Variants in FYN observed in about 807,000 individuals in gnomAD.
FYN encodes tyrosine-protein kinase Fyn.
Under a neutral mutation model 70.2 loss-of-function variants are expected in FYN, and 10 were observed. The ratio of observed to expected loss-of-function variants is 0.14; its 90% confidence interval spans 0.09 to 0.24. The LOEUF (loss-of-function observed/expected upper bound fraction) is 0.24, where lower values mean the gene tolerates loss of function less well. Ranked by LOEUF, FYN falls within the 10% of genes least tolerant of loss-of-function variation. The pLI is 1.00. For missense variants in FYN, 319 were observed against 673.1 expected, an observed-to-expected ratio of 0.47 and a Z score of 5.82; for synonymous variants, 236 against 248.6, an observed-to-expected ratio of 0.95 and a Z score of 0.48.
intron 2 of FYN, among the ~76,000 whole-genome samples, chr6:111,819,564 C>T (rs1481330891): frequency 6.6e-6 from 1 of 152,050 alleles, no homozygotes; most frequent in Non-Finnish European, 1.5e-5. Flanking sequence ...GACCATGACC[C>T]ATATTAAATT....
At chr6:111,792,875 G>A (rs916294667) in intron 2 of FYN, among the ~76,000 whole-genome samples, 5 of 152,176 alleles carry the variant, frequency 3.3e-5, no homozygotes, top group African/African-American at 1.2e-4. Context: ...GATGGAAACT[G>A]GGGTGTATTG....
intron 12 of FYN, among the ~76,000 whole-genome samples, chr6:111,681,937 A>G (rs1798798502): frequency 6.6e-6 from 1 of 152,090 alleles, no homozygotes; most frequent in South Asian, 2.1e-4. Context: ...CTGCATAAAC[A>G]CTATACACTG....
chr6:111,833,727 G>A (rs1284929990), intron 2 of FYN, among the ~76,000 whole-genome samples: 3 of 151,678 alleles, frequency 2.0e-5, no homozygotes, highest in South Asian at 2.1e-4. Flanking sequence ...ATGTTTTTTC[G>A]TGCGAATGTC....
rs147667432 is a variant in FYN at position 111,707,664 on chromosome 6, A to G, written c.443+258T>C. 1.2e-3 allele frequency among the ~76,000 whole-genome samples: 185 copies of G among 152,318 alleles called. 3 individuals carry two copies. The highest frequency in any genetic ancestry group is 4.1e-3 in the African/African-American group (169 of 41,574). ...TTTTTATGGCTACTTTTAATCTATG[A>G]CAAGTTTTACTGGCTTTTCATTTAG... On this transcript the variant is annotated intron_variant, in intron 6 of 13. Transcript: ENST00000354650.
intron 3 of FYN, among the ~76,000 whole-genome samples, chr6:111,726,750 T>G (rs914135744): frequency 6.6e-5 from 10 of 152,194 alleles, no homozygotes; most frequent in African/African-American, 2.2e-4. Flanking sequence ...TCACCTCAAA[T>G]TGTAATCCCT....
At chr6:111,715,816 C>T (rs1482467813) in intron 4 of FYN, among the ~76,000 whole-genome samples, 1 of 152,176 alleles carries the variant, frequency 6.6e-6, no homozygotes, top group African/African-American at 2.4e-5. Context: ...TCCTGACCCA[C>T]AGAAACTGTA....
chr6:111,762,849 AG>A (rs1470679912), intron 3 of FYN, among the ~76,000 whole-genome samples: 1 of 151,926 alleles, frequency 6.6e-6, no homozygotes, highest in Non-Finnish European at 1.5e-5. Flanking sequence ...CTGCCACCAC[AG>A]GTAACTAAAA....
At chr6:111,735,680 G>C (rs117588754) in intron 3 of FYN, among the ~76,000 whole-genome samples, 293 of 152,290 alleles carry the variant, frequency 1.9e-3, no homozygotes, top group East Asian at 7.5e-3. Flanking sequence ...AAGAAGGCAA[G>C]GGTAGAAAGA....
At chr6:111,795,193 CAG>C (rs10602212) in intron 2 of FYN, among the ~76,000 whole-genome samples, 23,506 of 152,146 alleles carry the variant, frequency 0.15, 2,676 homozygotes, top group African/African-American at 0.33. Flanking sequence ...ACTATATTTG[CAG>C]ACAGGCCTTT....
intron 13 of FYN, among the ~76,000 whole-genome samples, chr6:111,673,046 T>G (rs118000658): frequency 2.3e-3 from 346 of 152,274 alleles, no homozygotes; most frequent in Non-Finnish European, 3.7e-3. Context: ...TCTCCCCAGT[T>G]GCATTTAACA....
chr6:111,769,376 C>A (rs1354538756), intron 3 of FYN, among the ~76,000 whole-genome samples: 1 of 152,192 alleles, frequency 6.6e-6, no homozygotes, highest in Non-Finnish European at 1.5e-5. Flanking sequence ...TCACAACAAA[C>A]TCCAGGAGTC....
At chr6:111,860,263 T>C (rs79044087) in intron 1 of FYN, among the ~76,000 whole-genome samples, 5,446 of 152,296 alleles carry the variant, frequency 0.036, 107 homozygotes, top group Non-Finnish European at 0.047. Context: ...TCTTCACCAA[T>C]CTTCCATCCA....
chr6:111,819,645 G>A (rs1217273731), intron 2 of FYN, among the ~76,000 whole-genome samples: 2 of 151,882 alleles, frequency 1.3e-5, no homozygotes, highest in African/African-American at 4.8e-5. Flanking sequence ...GACTGTAAAG[G>A]TCTTTGTGTA....
chr6:111,703,013 C>T lies in FYN; in HGVS notation c.569G>A (p.Arg190His), dbSNP rs756342493. ...TTKGAYSLSI[R>H]DWDDMKGDHV... ...GTCTCCTTTCATATCATCCCAATCA[C>T]GGATAGAAAGTGAATAGGCACCTGG... is the stretch of plus-strand genomic sequence containing the variant. The change falls in exon 8 of 14, where the codon CGT (arginine) becomes CAT (histidine). Residue 190 changes from arginine to histidine, a missense_variant. Coordinates refer to ENST00000354650, the MANE Select transcript of FYN (RefSeq NM_002037.5). 19 of 1,613,834 alleles carry T rather than the reference C, an allele frequency of 1.2e-5. No individual in the cohort carries two copies. The highest frequency in any genetic ancestry group is 2.7e-5 in the African/African-American group (2 of 74,876).
chr6:111,835,500 A>G (rs1773152852), intron 2 of FYN, among the ~76,000 whole-genome samples: 1 of 152,270 alleles, frequency 6.6e-6, no homozygotes, highest in Non-Finnish European at 1.5e-5. Flanking sequence ...GCCAGTCGCC[A>G]TGAGAACACA....
chr6:111,699,513 A>C (rs773643516), intron 9 of FYN: 1 of 1,612,330 alleles, frequency 6.2e-7, no homozygotes, highest in Non-Finnish European at 8.5e-7. Flanking sequence ...CCTCTGCCTT[A>C]CCAAGCCACA....
At chr6:111,858,179 T>C (rs944325717) in intron 1 of FYN, 1 of 152,244 alleles carries the variant, frequency 6.6e-6, no homozygotes. Flanking sequence ...GGCCCGTTTC[T>C]ACCTAAACAC....
intron 3 of FYN, among the ~76,000 whole-genome samples, chr6:111,750,177 T>C (rs1486207592): frequency 6.6e-6 from 1 of 152,222 alleles, no homozygotes; most frequent in African/African-American, 2.4e-5. Context: ...CCAAATCTCA[T>C]GTCGAATTAT....
chr6:111,783,341 A>G (rs1771246606), intron 2 of FYN, among the ~76,000 whole-genome samples: 1 of 152,150 alleles, frequency 6.6e-6, no homozygotes, highest in African/African-American at 2.4e-5. Flanking sequence ...CCCAATAACC[A>G]TGACTGATGA....
Sources: allele counts gnomAD v4.1 joint callset (sites outside exome capture counted in the v4.1 genomes callset), GRCh38; gene constraint gnomAD v4.1.1; transcripts MANE v1.5; gene names NCBI Gene and HGNC (gene_info 2026-07-23, HGNC 2026-07-21).